Variants in RPS6KA2 observed in about 807,000 individuals in gnomAD.
RPS6KA2 encodes the protein ribosomal protein S6 kinase A2, also known as ribosomal protein S6 kinase alpha-2.
A neutral mutation model predicts 91.8 loss-of-function variants in RPS6KA2; 42 were observed. The ratio of observed to expected loss-of-function variants is 0.46; its 90% CI spans 0.36 to 0.59. The LOEUF is 0.59. RPS6KA2 is among the 20% of genes least tolerant of loss of function. The pLI is 0.00. For missense variants in RPS6KA2, 798 were observed against 978.5 expected, an observed-to-expected ratio of 0.82 and a Z score of 2.46; for synonymous variants, 414 against 393.6, an observed-to-expected ratio of 1.05 and a Z score of -0.61.
At chr6:166,853,881 G>C (rs920484122) in intron 2 of RPS6KA2, among the ~76,000 whole-genome samples, 1 of 152,248 alleles carries the variant, frequency 6.6e-6, no homozygotes, top group African/African-American at 2.4e-5. Flanking sequence ...CTGCAGGAGA[G>C]AGGCAGGATG....
chr6:166,824,329 G>A (rs1318069578), intron 2 of RPS6KA2, among the ~76,000 whole-genome samples: 10 of 152,332 alleles, frequency 6.6e-5, no homozygotes, highest in South Asian at 2.1e-4. Flanking sequence ...CAGAGAAGCC[G>A]CCGTGTGGGG....
Position 166,437,821 on chromosome 6 carries a change from T to A in RPS6KA2, c.1333-5331A>T, listed in dbSNP as rs1410017761. 6.6e-6 allele frequency among the ~76,000 whole-genome samples: 1 copy of A among 152,072 alleles called. No homozygotes were observed. The highest frequency in any genetic ancestry group is 2.4e-5 in the African/African-American group (1 of 41,400). ...TCGCTGCTCTTGATAACACCTTTCC[T>A]CCTGCTGGCCGAAGGCGGCAACAGG... On this transcript the variant is annotated intron_variant, in intron 14 of 20. Coordinates refer to ENST00000265678, the MANE Select transcript of RPS6KA2 (RefSeq NM_021135.6). This position sits in a 1 kb window ranked among gnomAD's most constrained non-coding sequence, Gnocchi z 4.3.
At chr6:166,608,742 T>C (rs1786046808) in intron 1 of RPS6KA2, among the ~76,000 whole-genome samples, 1 of 152,194 alleles carries the variant, frequency 6.6e-6, no homozygotes, top group South Asian at 2.1e-4. Flanking sequence ...AAGAAAGACT[T>C]TCTCAACTTT....
intron 16 of RPS6KA2, among the ~76,000 whole-genome samples, chr6:166,427,652 C>T (rs1269864566): frequency 6.6e-6 from 1 of 152,166 alleles, no homozygotes; most frequent in Non-Finnish European, 1.5e-5. Context: ...TTCTTATACA[C>T]CAATAACAGA....
intron 1 of RPS6KA2, among the ~76,000 whole-genome samples, chr6:166,604,691 T>C (rs909964463): frequency 6.6e-6 from 1 of 152,236 alleles, no homozygotes; most frequent in South Asian, 2.1e-4. Context: ...GCGCCTGATG[T>C]CTGGAGCAGC....
chr6:166,838,771 C>T (rs111947798), intron 2 of RPS6KA2, among the ~76,000 whole-genome samples: 3 of 137,770 alleles, frequency 2.2e-5, no homozygotes, highest in African/African-American at 1.1e-4. Flanking sequence ...CAGATGTCCA[C>T]GTGATAAGCC....
At chr6:166,693,759 A>G (rs539241353) in intron 2 of RPS6KA2, among the ~76,000 whole-genome samples, 11 of 152,330 alleles carry the variant, frequency 7.2e-5, no homozygotes, top group African/African-American at 2.6e-4. Context: ...GGGCTTTCCC[A>G]AACAACAGCT....
chr6:166,805,067 T>G (rs1040666032), intron 2 of RPS6KA2, among the ~76,000 whole-genome samples: 1 of 152,182 alleles, frequency 6.6e-6, no homozygotes, highest in Non-Finnish European at 1.5e-5. Context: ...ACAATTGCAA[T>G]AGAGTAATTA....
chr6:166,422,235 CA>C (rs899759395), intron 17 of RPS6KA2, among the ~76,000 whole-genome samples: 1 of 152,206 alleles, frequency 6.6e-6, no homozygotes, highest in African/African-American at 2.4e-5. Context: ...ACAGGTTGCT[CA>C]AGTGTCTGGA....
chr6:166,679,770 G>A (rs941168860), intron 2 of RPS6KA2, among the ~76,000 whole-genome samples: 1 of 152,218 alleles, frequency 6.6e-6, no homozygotes, highest in African/African-American at 2.4e-5. Flanking sequence ...GGAGCGGCGC[G>A]GGCGGGAGCT....
At chr6:166,421,125 G>A (rs959808500) in intron 17 of RPS6KA2, among the ~76,000 whole-genome samples, 9 of 152,176 alleles carry the variant, frequency 5.9e-5, no homozygotes, top group African/African-American at 2.2e-4. Context: ...TCAGCGGGGT[G>A]ACCTTCAGAA....
intron 19 of RPS6KA2, among the ~76,000 whole-genome samples, chr6:166,415,695 C>T (rs1212451834): frequency 6.6e-6 from 1 of 150,692 alleles, no homozygotes; most frequent in Non-Finnish European, 1.5e-5. Flanking sequence ...GTCTGAGGCT[C>T]TATTTTGGGA....
intron 2 of RPS6KA2, among the ~76,000 whole-genome samples, chr6:166,716,916 C>T (rs1790029886): frequency 6.6e-6 from 1 of 152,138 alleles, no homozygotes; most frequent in Non-Finnish European, 1.5e-5. Flanking sequence ...AAAGGTTTTG[C>T]GACATGCATG....
intron 10 of RPS6KA2, among the ~76,000 whole-genome samples, chr6:166,481,902 T>C (rs6923046): frequency 0.14 from 18,749 of 136,974 alleles, 1,384 homozygotes; most frequent in Admixed American, 0.2. Flanking sequence ...GTAGACTGTA[T>C]GTATACCTCT....
At chr6:166,710,781 G>C (rs1316022711) in intron 2 of RPS6KA2, among the ~76,000 whole-genome samples, 1 of 152,200 alleles carries the variant, frequency 6.6e-6, no homozygotes, top group Non-Finnish European at 1.5e-5. Context: ...TGAGGAGCAA[G>C]CTGGTGGAGA....
chr6:166,688,396 T>A (rs1789089571), intron 2 of RPS6KA2, among the ~76,000 whole-genome samples: 2 of 152,190 alleles, frequency 1.3e-5, no homozygotes, highest in South Asian at 4.1e-4. Context: ...CCTCTGCTCA[T>A]CCCCGGCCTT....
chr6:166,789,809 G>A (rs1455801088), intron 2 of RPS6KA2, among the ~76,000 whole-genome samples: 2 of 152,218 alleles, frequency 1.3e-5, no homozygotes, highest in Non-Finnish European at 1.5e-5. Flanking sequence ...GGTCCTGTCT[G>A]TTAGAAGGAA....
intron 1 of RPS6KA2, among the ~76,000 whole-genome samples, chr6:166,611,647 T>TA (rs553140091): frequency 1.2e-4 from 19 of 152,318 alleles, no homozygotes; most frequent in Admixed American, 5.2e-4. Flanking sequence ...TATCTCAAGG[T>TA]AATGTGGACT....
chr6:166,656,662 A>G (rs1395697919), intron 2 of RPS6KA2, among the ~76,000 whole-genome samples: 2 of 152,226 alleles, frequency 1.3e-5, no homozygotes, highest in Non-Finnish European at 2.9e-5. Flanking sequence ...CTCCCAGCTG[A>G]GGTCGCATTC....
Sources: gnomAD v4.1 joint callset for allele counts (sites outside exome capture counted in the v4.1 genomes callset) on GRCh38, gnomAD v4.1.1 for gene constraint, Gnocchi (gnomAD v3.1) non-coding constraint, MANE v1.5 for transcripts, NCBI Gene and HGNC (gene_info 2026-07-23, HGNC 2026-07-21) for gene names.